GRIK4: variants seen among roughly 807,000 people sequenced by gnomAD.
GRIK4 encodes the protein glutamate ionotropic receptor kainate type subunit 4, also known as glutamate receptor ionotropic, kainate 4.
GRIK4 carries 40 observed loss-of-function variants against 104.9 expected under a neutral mutation model. The observed-to-expected ratio is 0.38, with a 90% confidence interval of 0.30 to 0.50. GRIK4 has a LOEUF of 0.50. Ranked by LOEUF, GRIK4 falls within the 20% of genes least tolerant of loss-of-function variation. The pLI is 0.93. For missense variants in GRIK4, 1,047 were observed against 1,308.1 expected (o/e 0.80, Z 3.08); for synonymous variants, 485 against 524.9 (o/e 0.92, Z 1.04).
At chr11:120,736,760 TTCTCTCTC>T (rs55839928) in intron 3 of GRIK4, among the ~76,000 whole-genome samples, 1 of 149,228 alleles carries the variant, frequency 6.7e-6, no homozygotes, top group East Asian at 2.0e-4. Context: ...ATTACATATA[TTCTCTCTC>T]TCTCTCTCTC....
intron 8 of GRIK4, among the ~76,000 whole-genome samples, chr11:120,856,341 G>C (rs149251475): frequency 6.6e-6 from 1 of 152,254 alleles, no homozygotes; most frequent in Non-Finnish European, 1.5e-5. Flanking sequence ...GCACCAAGGG[G>C]CACCATTCAC....
intron 1 of GRIK4, among the ~76,000 whole-genome samples, chr11:120,553,444 A>C (rs1487335387): frequency 6.6e-6 from 1 of 152,188 alleles, no homozygotes; most frequent in African/African-American, 2.4e-5. Flanking sequence ...ACATTTTCAG[A>C]GGAGAAGTGG....
intron 1 of GRIK4, among the ~76,000 whole-genome samples, chr11:120,650,288 A>T (rs551284617): frequency 2.0e-5 from 3 of 152,276 alleles, no homozygotes; most frequent in East Asian, 3.9e-4. Context: ...GCAGAGGGAG[A>T]GGGGACAGGC....
At chr11:120,628,137 G>A (rs924572050) in intron 1 of GRIK4, among the ~76,000 whole-genome samples, 2 of 152,212 alleles carry the variant, frequency 1.3e-5, no homozygotes, top group Non-Finnish European at 2.9e-5. Context: ...CTCCCAGGAG[G>A]GGTGTTATCC....
intron 1 of GRIK4, among the ~76,000 whole-genome samples, chr11:120,571,313 T>TGTC (rs1490332428): frequency 6.6e-6 from 1 of 152,192 alleles, no homozygotes; most frequent in Non-Finnish European, 1.5e-5. Context: ...TGGTGACGAC[T>TGTC]GTCCTCTGCA....
At chr11:120,649,915 A>G (rs1371136660) in intron 1 of GRIK4, among the ~76,000 whole-genome samples, 1 of 152,182 alleles carries the variant, frequency 6.6e-6, no homozygotes, top group Non-Finnish European at 1.5e-5. Context: ...TAAGTGTGCT[A>G]TAGGTGGCTT....
At chr11:120,820,567 T>C (rs1332080686) in intron 6 of GRIK4, among the ~76,000 whole-genome samples, 1 of 152,238 alleles carries the variant, frequency 6.6e-6, no homozygotes, top group Non-Finnish European at 1.5e-5. Context: ...TGCATCTGTG[T>C]GCTCCCGGCG....
intron 1 of GRIK4, among the ~76,000 whole-genome samples, chr11:120,622,209 ATTTTT>A (rs1367256493): frequency 3.3e-5 from 5 of 151,320 alleles, no homozygotes; most frequent in African/African-American, 1.2e-4. Flanking sequence ...CCTTATTATT[ATTTTT>A]AACTGTGACA....
intron 19 of GRIK4, among the ~76,000 whole-genome samples, chr11:120,973,663 G>A (rs988579381): frequency 1.3e-5 from 2 of 152,182 alleles, no homozygotes; most frequent in African/African-American, 4.8e-5. Context: ...TTAATGTGGT[G>A]GCCCCATTTG....
intron 16 of GRIK4, among the ~76,000 whole-genome samples, chr11:120,960,533 G>A (rs1354571055): frequency 6.6e-6 from 1 of 152,200 alleles, no homozygotes; most frequent in Non-Finnish European, 1.5e-5. Context: ...AGGAGGTGAG[G>A]AAGCCCTCCT....
At chr11:120,777,200 C>G (rs773372253) in intron 3 of GRIK4, among the ~76,000 whole-genome samples, 24 of 152,318 alleles carry the variant, frequency 1.6e-4, no homozygotes, top group South Asian at 1.0e-3. Flanking sequence ...TTACAAGGTG[C>G]TTCACAGCCC....
intron 3 of GRIK4, among the ~76,000 whole-genome samples, chr11:120,686,507 G>A (rs1468273406): frequency 6.6e-6 from 1 of 152,118 alleles, no homozygotes; most frequent in African/African-American, 2.4e-5. Flanking sequence ...ATTCCCCAGG[G>A]GGCCTCACAC....
intron 19 of GRIK4, among the ~76,000 whole-genome samples, chr11:120,973,726 TG>T (rs1944513309): frequency 6.6e-6 from 1 of 152,194 alleles, no homozygotes; most frequent in Admixed American, 6.5e-5. Context: ...AGAGGCTTCT[TG>T]GCCAAGCGAA....
At chr11:120,970,116 A>C (rs1197285752) in intron 19 of GRIK4, among the ~76,000 whole-genome samples, 1 of 152,054 alleles carries the variant, frequency 6.6e-6, no homozygotes, top group East Asian at 1.9e-4. Context: ...GAAGCTACCA[A>C]TTGTTGTGTT....
intron 3 of GRIK4, among the ~76,000 whole-genome samples, chr11:120,734,735 CTCTG>C (rs1243135534): frequency 1.3e-5 from 2 of 151,954 alleles, no homozygotes; most frequent in Non-Finnish European, 2.9e-5. Flanking sequence ...CTTTTTTCTC[CTCTG>C]TCTGTGTATT....
intron 1 of GRIK4, among the ~76,000 whole-genome samples, chr11:120,552,753 A>C (rs1332670001): frequency 6.6e-6 from 1 of 152,160 alleles, no homozygotes; most frequent in Non-Finnish European, 1.5e-5. Context: ...TAATCCCAGC[A>C]CTTTGGGAGG....
At chr11:120,639,092 AGT>A (rs1949436169) in intron 1 of GRIK4, among the ~76,000 whole-genome samples, 1 of 152,020 alleles carries the variant, frequency 6.6e-6, no homozygotes, top group Non-Finnish European at 1.5e-5. Flanking sequence ...CCCACTCAGG[AGT>A]GGAGGCAGGA....
chr11:120,519,968 T>C (rs1203718358), intron 1 of GRIK4, among the ~76,000 whole-genome samples: 3 of 150,646 alleles, frequency 2.0e-5, no homozygotes, highest in South Asian at 2.1e-4. Context: ...TCTTGGCTCA[T>C]TGCAACCTCC....
intron 1 of GRIK4, among the ~76,000 whole-genome samples, chr11:120,615,297 G>A (rs1053906520): frequency 2.6e-5 from 4 of 152,200 alleles, no homozygotes; most frequent in Admixed American, 1.3e-4. Flanking sequence ...GCTTGGTTCT[G>A]CCAAATGGCA....
Sources: gnomAD v4.1 joint callset for allele counts (sites outside exome capture counted in the v4.1 genomes callset) on GRCh38, gnomAD v4.1.1 for gene constraint, MANE v1.5 for transcripts, NCBI Gene and HGNC (gene_info 2026-07-23, HGNC 2026-07-21) for gene names.